HDAC2: variants seen among roughly 807,000 people sequenced by gnomAD.
HDAC2 encodes YY1-associated factor 1.
A neutral mutation model predicts 68.5 loss-of-function variants in HDAC2; 5 were observed. The ratio of observed to expected loss-of-function variants is 0.07; its 90% CI spans 0.04 to 0.15. The LOEUF (loss-of-function observed/expected upper bound fraction) is 0.15. HDAC2 is among the 10% of genes least tolerant of loss of function. The pLI is 1.00. For synonymous variants in HDAC2, 182 were observed against 191.3 expected (o/e 0.95, Z 0.40); for missense variants, 291 against 600.8 (o/e 0.48, Z 5.39).
At chr6:113,956,405 T>C (rs896724393) in intron 4 of HDAC2, 1 of 569,364 alleles carries the variant, frequency 1.8e-6, no homozygotes, top group Admixed American at 3.2e-5. Flanking sequence ...AGGGAATGAA[T>C]GAAGTCTCCA....
intron 11 of HDAC2, among the ~76,000 whole-genome samples, chr6:113,943,926 A>G (rs989670934): frequency 6.6e-6 from 1 of 152,254 alleles, no homozygotes; most frequent in Non-Finnish European, 1.5e-5. Context: ...GTTATGCTAC[A>G]ATCTAACCAT....
intron 6 of HDAC2, among the ~76,000 whole-genome samples, chr6:113,953,028 T>C (rs1239241352): frequency 6.6e-6 from 1 of 152,180 alleles, no homozygotes; most frequent in Non-Finnish European, 1.5e-5. Context: ...TCATGCTTTG[T>C]GGATATTCAA....
rs980661949 is a variant in HDAC2, at chr6:113,933,472, C to T, written c.*7586G>A. 6.6e-6 allele frequency: 1 copy of T among 152,126 alleles called. No individual in the cohort carries two copies. The highest frequency in any genetic ancestry group is 2.4e-5 in the African/African-American group (1 of 41,410). 9.4% of individuals were successfully genotyped at this position (152,126 alleles called of 1,614,324 possible). On this transcript the variant is annotated 3_prime_UTR_variant, in exon 14 of 14. Coordinates refer to ENST00000519065, the MANE Select transcript of HDAC2 (RefSeq NM_001527.4). ...CGATCCTATCCCATCCCATCTTATC[C>T]CATCTCCTTCTGTCCTCTTCAATCC...
At position 113,943,382 on chromosome 6, in the gene HDAC2, T is replaced by G. The variant is rs373953184; in HGVS notation, c.1347A>C (p.Glu449Asp). The change falls in exon 12 of 14, where the codon GAA becomes GAC. Residue 449 changes from glutamate (E) to aspartate (D), a missense_variant. Physicochemically the swap from Glu to Asp is conservative, Grantham distance 45. Coordinates refer to ENST00000519065, the MANE Select transcript of HDAC2 (RefSeq NM_001527.4). ...TTTTGTCCTCTGTTTCTTTCTTATC[T>G]TCTTCAATTCTAGCTTTCTTTGCTC... The part of the protein sequence containing the change: ...KKGAKKARIE[E>D]DKKETEDKKT... 9.2e-5 allele frequency: 148 copies of G among 1,609,464 alleles called. 2 individuals carry two copies. Among genetic ancestry groups the G allele is most frequent in the Non-Finnish European group, 1.1e-4 (129 of 1,178,790 alleles).
At chr6:113,950,382 G>GT (rs376800535) in intron 6 of HDAC2, among the ~76,000 whole-genome samples, 2,508 of 149,512 alleles carry the variant, frequency 0.017, 72 homozygotes, top group African/African-American at 0.058. Context: ...CCTCTTTGTT[G>GT]TTTTTTTTTG....
intron 3 of HDAC2, among the ~76,000 whole-genome samples, chr6:113,957,578 C>T (rs1243576488): frequency 2.0e-5 from 3 of 151,768 alleles, no homozygotes; most frequent in Non-Finnish European, 4.4e-5. Flanking sequence ...ACCTCTGGGG[C>T]TCAAGCAAGC....
chr6:113,946,404 A>T (rs1338631067), intron 8 of HDAC2: 1 of 282,220 alleles, frequency 3.5e-6, no homozygotes, highest in Non-Finnish European at 6.6e-6. Context: ...CAAGTACACA[A>T]CTATATTAAG....
chr6:113,968,163 T>C (rs1776869207), intron 1 of HDAC2, among the ~76,000 whole-genome samples: 1 of 152,210 alleles, frequency 6.6e-6, no homozygotes, highest in Non-Finnish European at 1.5e-5. Context: ...AAAGGTAGGA[T>C]TCCTATGGTT....
intron 1 of HDAC2, among the ~76,000 whole-genome samples, chr6:113,963,406 A>C (rs1446515086): frequency 6.6e-6 from 1 of 152,176 alleles, no homozygotes; most frequent in African/African-American, 2.4e-5. Flanking sequence ...AAGTATAAAA[A>C]GGCTAAGAAG....
intron 5 of HDAC2, among the ~76,000 whole-genome samples, chr6:113,954,095 T>C (rs1776488713): frequency 6.6e-6 from 1 of 152,264 alleles, no homozygotes; most frequent in Admixed American, 6.5e-5. Flanking sequence ...GTGACACAGT[T>C]GTAACTCAAA....
rs749828429 is a variant in HDAC2, at chr6:113,948,959, C to A, written c.841+20G>T. Reference sequence around the variant, plus strand: ...GAAAAACCATTTTTTTCTGGAAATACCACCCTTTGAATTGCTTACCTTTGA... The same window carrying A: ...GAAAAACCATTTTTTTCTGGAAATAACACCCTTTGAATTGCTTACCTTTGA... On this transcript the variant is annotated intron_variant, in intron 8 of 13. Coordinates refer to ENST00000519065, the MANE Select transcript of HDAC2 (RefSeq NM_001527.4). 1.4e-5 allele frequency: 22 copies of A among 1,606,018 alleles called. No homozygotes were observed. Among genetic ancestry groups the A allele is most frequent in the Non-Finnish European group, 1.8e-5 (21 of 1,177,486 alleles).
chr6:113,969,167 T>C (rs1375984060), intron 1 of HDAC2, among the ~76,000 whole-genome samples: 1 of 152,226 alleles, frequency 6.6e-6, no homozygotes, highest in East Asian at 1.9e-4. Flanking sequence ...TTAAAATGTA[T>C]TTCCATCTCC....
At chr6:113,954,330 A>C (rs1284663852) in intron 5 of HDAC2, among the ~76,000 whole-genome samples, 1 of 152,208 alleles carries the variant, frequency 6.6e-6, no homozygotes, top group Non-Finnish European at 1.5e-5. Flanking sequence ...AAGCACTCAT[A>C]AGAATATTCT....
At chr6:113,955,691 T>G (rs1776536417) in intron 5 of HDAC2, among the ~76,000 whole-genome samples, 1 of 152,090 alleles carries the variant, frequency 6.6e-6, no homozygotes, top group South Asian at 2.1e-4. Context: ...ATTTTTTTTC[T>G]GTAGAGATGG....
intron 2 of HDAC2, chr6:113,959,482 T>C (rs1776629202): frequency 6.5e-6 from 1 of 153,576 alleles, no homozygotes; most frequent in Non-Finnish European, 1.4e-5. Flanking sequence ...AACACAGTAT[T>C]CCATATGTAT....
At chr6:113,944,126 A>G (rs1776212913) in intron 11 of HDAC2, among the ~76,000 whole-genome samples, 154 bp downstream of exon 11, 1 of 152,224 alleles carries the variant, frequency 6.6e-6, no homozygotes, top group Admixed American at 6.5e-5. Flanking sequence ...TCAGGTTCTG[A>G]GACATCAGGA....
In HDAC2 at chr6:113,953,145, C is replaced by G. The variant is rs1776462028; in HGVS notation, c.639+132G>C. 4 of 640,428 alleles carry G rather than the reference C, an allele frequency of 6.2e-6. No homozygotes were observed. In the South Asian group the frequency reaches 1.0e-4, roughly 17 times the overall value. 39.7% of individuals were successfully genotyped at this position (640,428 alleles called of 1,614,324 possible). ...CAGTGAATTCTAGCAAATGTTACTGCATACGTAGTAATTCAATTCTGCATA... is the reference window on the plus strand; with the variant it reads ...CAGTGAATTCTAGCAAATGTTACTGGATACGTAGTAATTCAATTCTGCATA... On this transcript the variant is annotated intron_variant, in intron 6 of 13. Coordinates refer to ENST00000519065, the MANE Select transcript of HDAC2 (RefSeq NM_001527.4).
At chr6:113,948,250 T>C (rs1387708604) in intron 8 of HDAC2, 2 of 151,766 alleles carry the variant, frequency 1.3e-5, no homozygotes, top group African/African-American at 4.8e-5. Context: ...GAGAAAAAAA[T>C]TAAGGACAGA....
chr6:113,949,835 G>T (rs544409817), intron 6 of HDAC2, among the ~76,000 whole-genome samples: 3 of 151,716 alleles, frequency 2.0e-5, no homozygotes, highest in Non-Finnish European at 4.4e-5. Flanking sequence ...GGCTGGAGGC[G>T]CAATGGCGTG....
Sources: allele counts gnomAD v4.1 joint callset (sites outside exome capture counted in the v4.1 genomes callset), GRCh38; gene constraint gnomAD v4.1.1; transcripts MANE v1.5; gene names NCBI Gene and HGNC (gene_info 2026-07-23, HGNC 2026-07-21).